The following SP100 variants were observed in gnomAD, a reference collection of about 807,000 sequenced individuals.
The protein encoded by SP100 is SP100 nuclear body protein.
In SP100, 84 loss-of-function variants were observed where a neutral mutation model predicts 130.0. That is an observed-to-expected ratio of 0.65 (90% CI 0.54 to 0.77). The LOEUF is 0.77. SP100 is among the 30% of genes least tolerant of loss of function. SP100 has a pLI of 0.00. For missense variants in SP100, 978 were observed against 1,052.2 expected (o/e 0.93, Z 0.97); for synonymous variants, 331 against 351.7 (o/e 0.94, Z 0.66).
chr2:230,522,160 C>T (rs556109591), intron 24 of SP100, among the ~76,000 whole-genome samples: 6 of 152,102 alleles, frequency 3.9e-5, no homozygotes, highest in African/African-American at 9.6e-5. Context: ...AAAGCCCAAC[C>T]GATGGAGAAA....
chr2:230,505,018 A>G (rs1689968421), intron 21 of SP100, among the ~76,000 whole-genome samples: 2 of 152,156 alleles, frequency 1.3e-5, no homozygotes. Context: ...ATGTTTATCC[A>G]CATTGTTTAT....
chr2:230,519,944 C>T (rs1192102841), intron 24 of SP100, among the ~76,000 whole-genome samples: 2 of 152,180 alleles, frequency 1.3e-5, no homozygotes, highest in Non-Finnish European at 2.9e-5. Context: ...CCAGCTGGTG[C>T]TGATAGAGGC....
chr2:230,464,131 A>C lies in SP100; in HGVS notation c.1122A>C (p.Ser374=), dbSNP rs752910391. 2.5e-6 allele frequency: 4 copies of C among 1,610,106 alleles called. No individual in the cohort carries two copies. The highest frequency in any genetic ancestry group is 1.1e-5 in the South Asian group (1 of 91,008). The change falls in exon 11 of 29, where the codon TCA becomes TCC. Residue 374 remains serine (S), a synonymous_variant. Coordinates refer to ENST00000340126, the MANE Select transcript of SP100 (RefSeq NM_001080391.2). ...AGGAGGGCCAAGAAGCCACTTGCTC[A>C]CGACCCCAGATTGTACCAGGTAAGA... The part of the protein sequence containing the change: ...DEKEGQEATC[S]RPQIVPEPMD...
chr2:230,502,829 G>T (rs778500893), intron 19 of SP100, among the ~76,000 whole-genome samples: 1 of 152,140 alleles, frequency 6.6e-6, no homozygotes, highest in Non-Finnish European at 1.5e-5. Context: ...AGTCACCGTC[G>T]CATCCTTTGA....
At chr2:230,473,089 T>C (rs1031373880) in intron 15 of SP100, 4 of 386,338 alleles carry the variant, frequency 1.0e-5, no homozygotes, top group Admixed American at 4.0e-5. Flanking sequence ...TCCAGTGTTC[T>C]TCATCACTGA....
rs544172080 is a variant in SP100 at position 230,425,177 on chromosome 2, T to C, written c.107+7512T>C. The stretch of plus-strand genomic sequence containing the variant: ...ATGAGAATATTTAAGATCTACTCTC[T>C]CAGCAAATTTCAAATATGTAATACA... On this transcript the variant is annotated intron_variant, in intron 2 of 28. Transcript: ENST00000340126. Among the ~76,000 whole-genome samples, 4 of 152,308 alleles carry C rather than the reference T, an allele frequency of 2.6e-5. No individual in the cohort carries two copies. In the East Asian group the frequency reaches 7.7e-4, roughly 29 times the overall value.
In SP100 at chr2:230,537,157, G is replaced by C. The variant is rs575342914; in HGVS notation, c.2095-2110G>C. Among the ~76,000 whole-genome samples the C allele has an allele frequency of 1.0e-3, 152 of 152,262 alleles. 1 individual carries two copies. The highest frequency in any genetic ancestry group is 3.5e-3 in the African/African-American group (147 of 41,538). ...ACCTGTAGTCCCAGCTACTCCAGGGGCTGAGGTGGTAGGATTACTTAAGTC... is the reference window on the plus strand; with the variant it reads ...ACCTGTAGTCCCAGCTACTCCAGGGCCTGAGGTGGTAGGATTACTTAAGTC... On this transcript the variant is annotated intron_variant, in intron 24 of 28. Coordinates refer to ENST00000340126, the MANE Select transcript of SP100 (RefSeq NM_001080391.2).
At chr2:230,521,902 G>T (rs535721143) in intron 24 of SP100, among the ~76,000 whole-genome samples, 49 of 152,268 alleles carry the variant, frequency 3.2e-4, no homozygotes, top group African/African-American at 1.1e-3. Flanking sequence ...TCCTTTGTGG[G>T]CCCAGACAGC....
intron 11 of SP100, among the ~76,000 whole-genome samples, chr2:230,465,533 TTAA>T (rs2064898337): frequency 6.6e-6 from 1 of 152,196 alleles, no homozygotes; most frequent in South Asian, 2.1e-4. Flanking sequence ...AAGTGGGATC[TTAA>T]TAATAAGAAC....
intron 8 of SP100, among the ~76,000 whole-genome samples, chr2:230,460,531 T>C (rs976240964): frequency 1.3e-5 from 2 of 151,850 alleles, no homozygotes; most frequent in Admixed American, 6.6e-5. Flanking sequence ...TTGAGCAAGT[T>C]AGTGGAAACA....
At chr2:230,491,714 C>T (rs1206577480) in intron 17 of SP100, among the ~76,000 whole-genome samples, 1 of 152,222 alleles carries the variant, frequency 6.6e-6, no homozygotes, top group Non-Finnish European at 1.5e-5. Context: ...ATCCAAATCA[C>T]CTTCCACCAG....
chr2:230,424,322 C>T (rs1199240787), intron 2 of SP100, among the ~76,000 whole-genome samples: 1 of 152,156 alleles, frequency 6.6e-6, no homozygotes, highest in Non-Finnish European at 1.5e-5. Flanking sequence ...CTGGCCAGAG[C>T]TCACATGCTA....
chr2:230,488,961 G>T (rs544783703), intron 17 of SP100, among the ~76,000 whole-genome samples: 2 of 152,274 alleles, frequency 1.3e-5, no homozygotes, highest in South Asian at 2.1e-4. Flanking sequence ...ATGTTCATCA[G>T]GGATATTGGC....
intron 2 of SP100, among the ~76,000 whole-genome samples, chr2:230,418,725 TC>T: frequency 6.6e-6 from 1 of 152,332 alleles, no homozygotes; most frequent in South Asian, 2.1e-4. Context: ...ATTATCCTTT[TC>T]CCTGCTGATT....
At chr2:230,441,189 G>A (rs2063454863) in intron 2 of SP100, among the ~76,000 whole-genome samples, 2 of 152,004 alleles carry the variant, frequency 1.3e-5, no homozygotes, top group Admixed American at 1.3e-4. Context: ...AAAATAAATT[G>A]CCAATTAACA....
At chr2:230,460,134 A>G (rs1227036189) in intron 8 of SP100, among the ~76,000 whole-genome samples, 1 of 152,206 alleles carries the variant, frequency 6.6e-6, no homozygotes, top group Non-Finnish European at 1.5e-5. Context: ...TAACCCAACA[A>G]TTATATTCCT....
rs190877130 is a variant in SP100 at position 230,483,606 on chromosome 2, C to A, written c.1600+9159C>A. ...ACATGGATAATAGACTTTAGGAGGG[C>A]AAGGATGGGGCAGGAGTAAGGAGGC... On this transcript the variant is annotated intron_variant, in intron 17 of 28. Transcript: ENST00000340126. Among the ~76,000 whole-genome samples, 467 of 151,942 alleles carry A rather than the reference C, an allele frequency of 3.1e-3. 2 individuals carry two copies. The highest frequency in any genetic ancestry group is 0.011 in the African/African-American group (444 of 41,438).
rs1283484019 is a variant in SP100, at chr2:230,416,781, G to A, written c.32+453G>A. 2.7e-5 allele frequency: 27 copies of A among 986,052 alleles called. No individual in the cohort carries two copies. In the Admixed American group the frequency reaches 1.4e-3, roughly 49 times the overall value. The allele number at this position is 986,052 out of a possible 1,614,324, so 61.1% of individuals were successfully genotyped here. The stretch of plus-strand genomic sequence containing the variant: ...AGACGCTGTGGTCTCACCTGTCCTG[G>A]CAAGGGGCCTCTGCCGGCTGTTCCC... On this transcript the variant is annotated intron_variant, in intron 1 of 28. Coordinates refer to ENST00000340126, the MANE Select transcript of SP100 (RefSeq NM_001080391.2).
chr2:230,535,460 A>C (rs1559539023), intron 24 of SP100, among the ~76,000 whole-genome samples: 1 of 152,140 alleles, frequency 6.6e-6, no homozygotes, highest in African/African-American at 2.4e-5. Context: ...TTTTTGTTTG[A>C]AACATTGCTG....
Sources: gnomAD v4.1 joint callset for allele counts (sites outside exome capture counted in the v4.1 genomes callset) on GRCh38, gnomAD v4.1.1 for gene constraint, MANE v1.5 for transcripts, NCBI Gene and HGNC (gene_info 2026-07-23, HGNC 2026-07-21) for gene names.